Variants in SGCD observed in about 807,000 individuals in gnomAD.
SGCD encodes the protein delta-sarcoglycan.
SGCD carries 18 observed loss-of-function variants against 36.6 expected under a neutral mutation model. That is an observed-to-expected ratio of 0.49 (90% CI 0.34 to 0.73). The LOEUF is 0.73. SGCD is among the 30% of genes least tolerant of loss of function. The pLI is 0.01. For missense variants in SGCD, 387 were observed against 346.7 expected (o/e 1.12, Z -0.92); for synonymous variants, 133 against 130.6 (o/e 1.02, Z -0.12).
At chr5:155,849,588 G>A in the SGCD span, among the ~76,000 whole-genome samples, 1 of 152,136 alleles carries the variant, frequency 6.6e-6, no homozygotes, top group African/African-American at 2.4e-5. Flanking sequence ...GTTTTTGGAA[G>A]GATATTGATT....
intron 3 of SGCD, among the ~76,000 whole-genome samples, chr5:156,271,930 G>A (rs926185442): frequency 2.6e-5 from 4 of 151,902 alleles, no homozygotes; most frequent in Non-Finnish European, 5.9e-5. Flanking sequence ...AAAGAAAGAG[G>A]GATAAAAAAT....
At chr5:156,496,284 G>A (rs1756183672) in intron 3 of SGCD, among the ~76,000 whole-genome samples, 1 of 152,114 alleles carries the variant, frequency 6.6e-6, no homozygotes, top group Non-Finnish European at 1.5e-5. Context: ...GAACAGAAGT[G>A]CTATATTCTT....
intron 4 of SGCD, among the ~76,000 whole-genome samples, chr5:156,567,425 GATA>G (rs1759540043): frequency 1.0e-5 from 1 of 100,192 alleles, no homozygotes; most frequent in African/African-American, 3.0e-5. Flanking sequence ...TAGATAGATA[GATA>G]GATGGTAGCT....
At chr5:156,646,599 G>A (rs1261774863) in intron 6 of SGCD, among the ~76,000 whole-genome samples, 2 of 152,124 alleles carry the variant, frequency 1.3e-5, no homozygotes, top group Non-Finnish European at 2.9e-5. Flanking sequence ...ATGGAAGTAA[G>A]ATATTCTCCC....
intron 4 of SGCD, among the ~76,000 whole-genome samples, chr5:156,547,684 C>T (rs1251245393): frequency 6.6e-6 from 1 of 151,964 alleles, no homozygotes. Flanking sequence ...CCTGGTGATC[C>T]GCCCACCTCG....
intron 5 of SGCD, among the ~76,000 whole-genome samples, chr5:156,594,387 T>G (rs74598862): frequency 0.017 from 2,665 of 152,298 alleles, 31 homozygotes; most frequent in Non-Finnish European, 0.029. Flanking sequence ...TCTAAGGCAA[T>G]TAATTACAGT....
chr5:155,982,535 A>G (rs563104721), intron 1 of SGCD, among the ~76,000 whole-genome samples: 1 of 152,188 alleles, frequency 6.6e-6, no homozygotes, highest in East Asian at 1.9e-4. Context: ...CCAGATCTGG[A>G]CACTGTCCCT....
At chr5:155,912,985 C>T (rs1166130935) in intron 1 of SGCD, among the ~76,000 whole-genome samples, 1 of 152,128 alleles carries the variant, frequency 6.6e-6, no homozygotes, top group African/African-American at 2.4e-5. Context: ...ACGTCTGAAT[C>T]TGTATTTTTA....
At chr5:156,082,268 G>GGT (rs1760974172) in intron 1 of SGCD, among the ~76,000 whole-genome samples, 1 of 142,272 alleles carries the variant, frequency 7.0e-6, no homozygotes, top group South Asian at 2.3e-4. Context: ...TAGGCTGGTG[G>GGT]GCGGGGGGGT....
intron 3 of SGCD, among the ~76,000 whole-genome samples, chr5:156,130,214 T>A (rs1762282255): frequency 6.6e-6 from 1 of 152,228 alleles, no homozygotes; most frequent in Admixed American, 6.5e-5. Flanking sequence ...CTTGTAATGG[T>A]TTTGATTTGC....
At position 156,663,506 on chromosome 5, in the gene SGCD, C is replaced by G. The variant is rs960723176; in HGVS notation, c.575+15970C>G. 8.7e-5 allele frequency among the ~76,000 whole-genome samples: 13 copies of G among 149,036 alleles called. 1 individual carries two copies. The highest frequency in any genetic ancestry group is 7.9e-4 in the Admixed American group (12 of 15,096). ...TATTCTTTTTATTTCACTATTTCCA[C>G]CCTTAATATATGGCAGGAGTAATAA... On this transcript the variant is annotated intron_variant, in intron 7 of 8. Transcript: ENST00000337851.
chr5:156,405,426 G>T (rs1402106278), intron 3 of SGCD, among the ~76,000 whole-genome samples: 1 of 152,150 alleles, frequency 6.6e-6, no homozygotes, highest in Non-Finnish European at 1.5e-5. Context: ...TCCTAGAAGA[G>T]GATAGGTTTT....
intron 4 of SGCD, among the ~76,000 whole-genome samples, chr5:156,580,029 C>T (rs74820036): frequency 1.3e-5 from 2 of 152,130 alleles, no homozygotes; most frequent in African/African-American, 4.8e-5. Context: ...TACAATTTGG[C>T]ATGTTTTTGC....
intron 6 of SGCD, among the ~76,000 whole-genome samples, chr5:156,604,969 A>G (rs957567190): frequency 3.3e-5 from 5 of 151,834 alleles, no homozygotes. Context: ...AGGGATTGAA[A>G]GATTTACATA....
intron 3 of SGCD, among the ~76,000 whole-genome samples, chr5:156,222,884 T>C (rs144617415): frequency 0.013 from 1,959 of 152,242 alleles, 15 homozygotes; most frequent in Middle Eastern, 0.024. Flanking sequence ...AAATTATCAT[T>C]CAGGAAACCT....
intron 7 of SGCD, among the ~76,000 whole-genome samples, chr5:156,688,001 CCACTAT>C (rs1753968923): frequency 6.6e-6 from 1 of 152,162 alleles, no homozygotes; most frequent in Admixed American, 6.6e-5. Flanking sequence ...TGTACTCACA[CCACTAT>C]CTCACTGCAC....
At chr5:156,643,848 C>T (rs1417546465) in intron 6 of SGCD, among the ~76,000 whole-genome samples, 1 of 152,096 alleles carries the variant, frequency 6.6e-6, no homozygotes, top group Non-Finnish European at 1.5e-5. Context: ...TATACCCAAG[C>T]AATGTGAAGT....
chr5:156,248,238 T>A (rs1406462687), intron 3 of SGCD, among the ~76,000 whole-genome samples: 3 of 152,116 alleles, frequency 2.0e-5, no homozygotes, highest in Non-Finnish European at 4.4e-5. Context: ...ACCAAGGCCA[T>A]TGGCTGGGCT....
At position 156,640,249 on chromosome 5, in the gene SGCD, A is replaced by C. The variant is rs144927415; in HGVS notation, c.503-7215A>C. 2.3e-3 allele frequency among the ~76,000 whole-genome samples: 354 copies of C among 152,126 alleles called. 4 individuals are homozygous for C. The highest frequency in any genetic ancestry group is 0.014 in the Middle Eastern group (4 of 294). ...TATACTAGATATCCGTTTATGTACT[A>C]TGTGAAGTGTGCATTTATATAGCTG... On this transcript the variant is annotated intron_variant, in intron 6 of 8. Coordinates refer to ENST00000337851, the MANE Select transcript of SGCD (RefSeq NM_000337.6).
Sources: allele counts gnomAD v4.1 joint callset (sites outside exome capture counted in the v4.1 genomes callset), GRCh38; gene constraint gnomAD v4.1.1; transcripts MANE v1.5; gene names NCBI Gene and HGNC (gene_info 2026-07-23, HGNC 2026-07-21).